Variants in PASD1 observed in about 807,000 individuals in gnomAD.
PASD1 encodes the protein circadian clock protein PASD1.
PASD1 carries 13 observed loss-of-function variants against 58.8 expected under a neutral mutation model. That is an observed-to-expected ratio of 0.22 (90% CI 0.14 to 0.35). The LOEUF (loss-of-function observed/expected upper bound fraction) is 0.35. PASD1 is among the 10% of genes least tolerant of loss of function. The pLI is 1.00. For synonymous variants in PASD1, 236 were observed against 216.7 expected, an observed-to-expected ratio of 1.09 and a Z score of -0.78; for missense variants, 734 against 568.3, an observed-to-expected ratio of 1.29 and a Z score of -2.96.
At chrX:151,667,774 G>A (rs1379262547) in intron 11 of PASD1, among the ~76,000 whole-genome samples, 1 of 111,874 alleles carries the variant, frequency 8.9e-6, no homozygotes, top group Admixed American at 9.5e-5. Context: ...TGCTGTTTTG[G>A]TTACTGTAGC....
intron 3 of PASD1, 96 bp from the exon 4 acceptor site, chrX:151,611,568 C>T: frequency 1.8e-6 from 1 of 569,091 alleles, no homozygotes. Context: ...GGGTGCATTT[C>T]AGTGTGCTAT....
At chrX:151,628,385 A>T (rs2013821269) in intron 8 of PASD1, among the ~76,000 whole-genome samples, 1 of 112,194 alleles carries the variant, frequency 8.9e-6, no homozygotes, top group Non-Finnish European at 1.9e-5. Flanking sequence ...TTTTTGTATA[A>T]GGTGTAAGGA....
chrX:151,594,314 C>T (rs1389991777), intron 1 of PASD1, among the ~76,000 whole-genome samples: 1 of 111,934 alleles, frequency 8.9e-6, no homozygotes, highest in Non-Finnish European at 1.9e-5. Context: ...TTTAAGTCTA[C>T]CATCTTACTA....
In PASD1 at chrX:151,674,117, T is replaced by C; in HGVS notation, c.2106T>C (p.Pro702=). The C allele has an allele frequency of 8.3e-7, 1 of 1,211,955 alleles. No homozygotes were observed. The highest frequency in any genetic ancestry group is 1.1e-6 in the Non-Finnish European group (1 of 895,422). ...LWQELSDSLG[P]VVQVNTWSCD... ...AAGAGTTGTCTGATTCACTCGGTCCTGTTGTCCAAGTGAACACTTGGTCTT... is the reference window on the plus strand; with the variant it reads ...AAGAGTTGTCTGATTCACTCGGTCCCGTTGTCCAAGTGAACACTTGGTCTT... Residue 702 remains proline (P), a synonymous_variant, in exon 15 of 16, where the codon CCT becomes CCC. Coordinates refer to ENST00000370357, the MANE Select transcript of PASD1 (RefSeq NM_173493.3).
intron 8 of PASD1, among the ~76,000 whole-genome samples, chrX:151,629,585 C>T (rs770641679): frequency 8.9e-6 from 1 of 111,935 alleles, no homozygotes. Flanking sequence ...GTCTTGCCCA[C>T]TTCCTTCATT....
intron 1 of PASD1, among the ~76,000 whole-genome samples, chrX:151,586,754 G>T (rs898714134): frequency 9.0e-6 from 1 of 111,508 alleles, no homozygotes; most frequent in Admixed American, 9.6e-5. Flanking sequence ...TGATGATTCT[G>T]ATTGTAAATG....
Position 151,601,572 on chromosome X carries a change from A to C in PASD1, c.19A>C (p.Lys7Gln), listed in dbSNP as rs768226760. 8.3e-7 allele frequency: 1 copy of C among 1,210,939 alleles called. No individual in the cohort carries two copies. Among genetic ancestry groups the C allele is most frequent in the Non-Finnish European group, 1.1e-6 (1 of 894,681 alleles). ...ATAATGAATGAAGATGAGAGGGGAA[A>C]AGAGAAGAGGTATGCATTCATAACT... MKMRGEKRRDKVNPKSS... is the reference protein window; with the variant it reads MKMRGEQRRDKVNPKSS... Residue 7 changes from lysine (K) to glutamine (Q), a missense_variant, in exon 2 of 16, where the codon AAG becomes CAG. Physicochemically the swap from Lys to Gln is moderately conservative, Grantham distance 53. Transcript: ENST00000370357.
At chrX:151,675,799 G>T (rs1299432223) in intron 15 of PASD1, among the ~76,000 whole-genome samples, 198 bp from the exon 16 acceptor site, 1 of 112,524 alleles carries the variant, frequency 8.9e-6, no homozygotes, top group Non-Finnish European at 1.9e-5. Context: ...TTTAAGCTAA[G>T]ATGCTGCTGG....
intron 11 of PASD1, among the ~76,000 whole-genome samples, chrX:151,666,421 A>T (rs1170710484): frequency 9.3e-6 from 1 of 107,462 alleles, no homozygotes; most frequent in African/African-American, 3.4e-5. Flanking sequence ...TTTAGGGTAC[A>T]TGTGCACAAC....
chrX:151,636,834 A>C (rs1161366822), intron 8 of PASD1, among the ~76,000 whole-genome samples: 1 of 111,615 alleles, frequency 9.0e-6, no homozygotes, highest in African/African-American at 3.3e-5. Context: ...CCACCACCAT[A>C]ATCAGAATAC....
chrX:151,669,153 TTATA>T (rs2014429170), intron 11 of PASD1, among the ~76,000 whole-genome samples: 1 of 86,968 alleles, frequency 1.1e-5, no homozygotes. Context: ...GTTGTACATA[TTATA>T]TATACTATAT....
Position 151,672,404 on chromosome X carries a change from G to C in PASD1, c.1659G>C (p.Met553Ile). The C allele has an allele frequency of 3.3e-6, 4 of 1,210,444 alleles. No homozygotes were observed. Among genetic ancestry groups the C allele is most frequent in the Non-Finnish European group, 4.5e-6 (4 of 894,798 alleles). ...AGCGGAAGAAGTGGCAGGGGCAGAT[G>C]CTACAGAAAGAGCCAGAGGAGGAGC... is the stretch of plus-strand genomic sequence containing the variant. ...LQERKKWQGQ[M>I]LQKEPEEEQQ... is the part of the protein sequence containing the mutation. Residue 553 changes from methionine (M) to isoleucine (I), a missense_variant, in exon 14 of 16, where the codon ATG becomes ATC. Met to Ile is a conservative substitution (Grantham distance 10). Coordinates refer to ENST00000370357, the MANE Select transcript of PASD1 (RefSeq NM_173493.3).
At chrX:151,649,185 T>G (rs887184838) in intron 9 of PASD1, among the ~76,000 whole-genome samples, 2 of 112,019 alleles carry the variant, frequency 1.8e-5, no homozygotes, top group African/African-American at 6.5e-5. Flanking sequence ...AACTCTAGAC[T>G]GGGACATAAA....
intron 11 of PASD1, among the ~76,000 whole-genome samples, chrX:151,670,779 C>T (rs1422831481): frequency 8.9e-6 from 1 of 112,174 alleles, no homozygotes; most frequent in Non-Finnish European, 1.9e-5. Context: ...GGGCATGTTG[C>T]TTCATGTCTC....
rs1380505948 is a variant in PASD1, at chrX:151,669,847, A to G, written c.1072-1191A>G. Among the ~76,000 whole-genome samples the G allele has an allele frequency of 8.9e-5, 10 of 112,015 alleles. 1 individual carries two copies. In the East Asian group the frequency reaches 2.5e-3, roughly 28 times the overall value. On this transcript the variant is annotated intron_variant, in intron 11 of 15. Transcript: ENST00000370357. ...TTTGGCTATTGTGAATAGTACTGCA[A>G]CGAACATGGGAGTGCAGATACCTTT...
chrX:151,624,653 A>G (rs2013760850), intron 7 of PASD1, among the ~76,000 whole-genome samples: 2 of 111,723 alleles, frequency 1.8e-5, no homozygotes, highest in African/African-American at 6.5e-5. Flanking sequence ...CATTGTTATT[A>G]CTGTCATTAT....
At chrX:151,613,658 C>T (rs1444206464) in intron 4 of PASD1, among the ~76,000 whole-genome samples, 3 of 111,443 alleles carry the variant, frequency 2.7e-5, no homozygotes, top group Non-Finnish European at 3.8e-5. Context: ...GTGATTTTTG[C>T]ACATTGATTT....
chrX:151,597,669 T>A (rs2013338045), intron 1 of PASD1, among the ~76,000 whole-genome samples: 1 of 112,190 alleles, frequency 8.9e-6, no homozygotes, highest in Non-Finnish European at 1.9e-5. Context: ...TCTATTATTT[T>A]CTTCTCCTTT....
At chrX:151,574,200 C>A (rs2012967476) in intron 1 of PASD1, among the ~76,000 whole-genome samples, 1 of 112,514 alleles carries the variant, frequency 8.9e-6, no homozygotes, top group Middle Eastern at 4.2e-3. Flanking sequence ...CTGGGCATAA[C>A]TGCCAACTGT....
Sources: allele counts gnomAD v4.1 joint callset (sites outside exome capture counted in the v4.1 genomes callset), GRCh38; gene constraint gnomAD v4.1.1; transcripts MANE v1.5; gene names NCBI Gene and HGNC (gene_info 2026-07-23, HGNC 2026-07-21).